Variants in XRCC5 observed in about 807,000 individuals in gnomAD.
The protein encoded by XRCC5 is DNA repair protein Ku80.
In XRCC5, 12 loss-of-function variants were observed where a neutral mutation model predicts 95.7. The observed-to-expected ratio is 0.13, with a 90% CI of 0.08 to 0.20. XRCC5 has a LOEUF of 0.20. XRCC5 is among the 10% of genes least tolerant of loss of function. The pLI, the probability that XRCC5 is intolerant of heterozygous loss-of-function variation, is 1.00. For synonymous variants in XRCC5, 281 were observed against 290.3 expected (o/e 0.97, Z 0.33); for missense variants, 595 against 873.9 (o/e 0.68, Z 4.02).
At position 216,148,124 on chromosome 2, in the gene XRCC5, C is replaced by G. The variant is rs1166268491; in HGVS notation, c.1518C>G (p.Pro506=). 6.2e-7 allele frequency: 1 copy of G among 1,613,808 alleles called. No individual in the cohort carries two copies. Among genetic ancestry groups the G allele is most frequent in the Non-Finnish European group, 8.5e-7 (1 of 1,179,930 alleles). ...CTTTACATCCCCGGGAGCCTCTACC[C>G]CCAATTCAGCAGCATATTTGGAATA... is the stretch of plus-strand genomic sequence containing the variant. ...HRALHPREPL[P]PIQQHIWNML... The change falls in exon 14 of 21, where the codon CCC becomes CCG. Residue 506 remains proline, a synonymous_variant. Coordinates refer to ENST00000392132, the MANE Select transcript of XRCC5 (RefSeq NM_021141.4).
chr2:216,143,455 T>C (rs1428425199), intron 13 of XRCC5, among the ~76,000 whole-genome samples: 3 of 152,220 alleles, frequency 2.0e-5, no homozygotes, highest in Admixed American at 6.5e-5. Context: ...CTACAGTAGG[T>C]TGTATTTATC....
intron 16 of XRCC5, among the ~76,000 whole-genome samples, chr2:216,190,012 C>T (rs1462751171): frequency 6.6e-6 from 1 of 152,144 alleles, no homozygotes; most frequent in Non-Finnish European, 1.5e-5. Flanking sequence ...AATTTCTTGA[C>T]AAATATCAAT....
chr2:216,155,236 C>CAA (rs10674711), intron 14 of XRCC5, among the ~76,000 whole-genome samples: 45,446 of 80,108 alleles, frequency 0.57, 12,377 homozygotes, highest in South Asian at 0.66. Flanking sequence ...ACTCCCATCT[C>CAA]AAAAAAAAAA....
Position 216,204,341 on chromosome 2 carries a change from A to G in XRCC5, c.2129A>G (p.Lys710Arg). The G allele has an allele frequency of 6.2e-7, 1 of 1,613,944 alleles. No homozygotes were observed. The highest frequency in any genetic ancestry group is 1.1e-5 in the South Asian group (1 of 91,082). The change falls in exon 20 of 21, where the codon AAA becomes AGA. Residue 710 changes from lysine to arginine, a missense_variant. By Grantham distance (26) the Lys-to-Arg change is conservative (BLOSUM62 2). This residue lies in a region of XRCC5 where 309 missense variants were observed against 382.9 expected (regional missense o/e 0.81). Transcript: ENST00000392132. ...TTACAGTTTCTGGCCCCCAAAGACA[A>G]ACCAAGTGGAGACACAGCAGCTGTA... ...EAKKFLAPKD[K>R]PSGDTAAVFE...
At chr2:216,128,741 A>G (rs189220462) in intron 8 of XRCC5, among the ~76,000 whole-genome samples, 2 of 152,350 alleles carry the variant, frequency 1.3e-5, no homozygotes, top group African/African-American at 2.4e-5. Context: ...TATACAGGTT[A>G]GTACTTGAGG....
At chr2:216,176,944 T>C (rs539303285) in intron 16 of XRCC5, among the ~76,000 whole-genome samples, 118 of 152,374 alleles carry the variant, frequency 7.7e-4, no homozygotes, top group African/African-American at 2.8e-3. Flanking sequence ...TCTTTCATGA[T>C]TGTTTCTTTG....
chr2:216,129,067 G>A (rs1696938690), intron 8 of XRCC5, among the ~76,000 whole-genome samples: 1 of 152,206 alleles, frequency 6.6e-6, no homozygotes, highest in Non-Finnish European at 1.5e-5. Context: ...GAATGTCACT[G>A]GGGCTATATT....
intron 19 of XRCC5, among the ~76,000 whole-genome samples, chr2:216,199,586 A>G (rs553633332): frequency 6.6e-6 from 1 of 152,260 alleles, no homozygotes; most frequent in East Asian, 1.9e-4. Context: ...TAGATATGCC[A>G]TTAGCATTTG....
chr2:216,178,261 G>T (rs1355815298), intron 16 of XRCC5, among the ~76,000 whole-genome samples: 2 of 152,132 alleles, frequency 1.3e-5, no homozygotes, highest in Non-Finnish European at 2.9e-5. Context: ...TTAAAAATAA[G>T]CACATGCTTA....
intron 12 of XRCC5, among the ~76,000 whole-genome samples, chr2:216,140,533 G>T (rs777374815): frequency 1.3e-5 from 2 of 152,180 alleles, no homozygotes; most frequent in Non-Finnish European, 2.9e-5. Flanking sequence ...TATTAGGAGA[G>T]ACCTAAGGAA....
chr2:216,131,012 A>ATT, intron 9 of XRCC5, 25 bp downstream of exon 9: 1 of 1,567,286 alleles, frequency 6.4e-7, no homozygotes, highest in Non-Finnish European at 8.7e-7. Context: ...AAACTAAATG[A>ATT]GCTTTTTCCT....
intron 15 of XRCC5, among the ~76,000 whole-genome samples, chr2:216,160,891 C>T (rs561911915): frequency 8.2e-4 from 124 of 152,096 alleles, no homozygotes; most frequent in Non-Finnish European, 1.4e-3. Flanking sequence ...GGCTATTTTT[C>T]ATAGAGGTGG....
At chr2:216,162,200 G>A (rs1416820558) in intron 16 of XRCC5, 152 bp downstream of exon 16, 2 of 703,128 alleles carry the variant, frequency 2.8e-6, no homozygotes, top group Non-Finnish European at 5.0e-6. Context: ...GGAGCTCACT[G>A]AGGCAACATT....
At position 216,125,202 on chromosome 2, in the gene XRCC5, C is replaced by CT. The variant is rs533096830; in HGVS notation, c.684-703dup. ...GAGGTTCTTTTTTTTTTCCTTTTTT[C>CT]TTTTTTTTTTTTGAGACAAAGTTTC... On this transcript the variant is annotated intron_variant, in intron 6 of 20. Transcript: ENST00000392132. Among the ~76,000 whole-genome samples the CT allele has an allele frequency of 1.7e-3, 241 of 138,940 alleles. 1 individual carries two copies. In the Middle Eastern group the frequency reaches 0.022, roughly 12 times the overall value. 91.2% of individuals were successfully genotyped at this position (138,940 alleles called of 152,430 possible).
Position 216,109,548 on chromosome 2 carries a change from A to C in XRCC5, c.21+91A>C, listed in dbSNP as rs570902818. 3.3e-5 allele frequency: 51 copies of C among 1,563,778 alleles called. No homozygotes were observed. The African/African-American group carries it at 5.7e-4, about 17-fold the overall frequency. On this transcript the variant is annotated intron_variant, in intron 1 of 20. Coordinates refer to ENST00000392132, the MANE Select transcript of XRCC5 (RefSeq NM_021141.4). ...CAGGAATCGTGGGATCGCGGTCAAGACAAAGAATGGGGCAAGAGAAGATCA... is the reference window on the plus strand; with the variant it reads ...CAGGAATCGTGGGATCGCGGTCAAGCCAAAGAATGGGGCAAGAGAAGATCA...
At chr2:216,119,647 C>T (rs780250766) in intron 5 of XRCC5, among the ~76,000 whole-genome samples, 4 of 152,066 alleles carry the variant, frequency 2.6e-5, no homozygotes, top group African/African-American at 9.7e-5. Flanking sequence ...ATGTTTAACT[C>T]TTTTCAGATC....
At chr2:216,112,788 CT>C (rs1479103556) in intron 1 of XRCC5, among the ~76,000 whole-genome samples, 3 of 152,212 alleles carry the variant, frequency 2.0e-5, no homozygotes, top group Admixed American at 2.0e-4. Flanking sequence ...GAGCATGTTC[CT>C]CTCCTGGTAG....
chr2:216,185,161 C>T (rs1432417193), intron 16 of XRCC5, among the ~76,000 whole-genome samples: 2 of 152,204 alleles, frequency 1.3e-5, no homozygotes, highest in Non-Finnish European at 2.9e-5. Flanking sequence ...CTAAGGGTTT[C>T]TTGCTGTTAC....
intron 10 of XRCC5, among the ~76,000 whole-genome samples, chr2:216,133,456 G>A (rs893864059): frequency 6.6e-6 from 1 of 152,184 alleles, no homozygotes; most frequent in Non-Finnish European, 1.5e-5. Flanking sequence ...GACTATAGGT[G>A]TGCGCCACCA....
Sources: gnomAD v4.1 joint callset for allele counts (sites outside exome capture counted in the v4.1 genomes callset) on GRCh38, gnomAD v4.1.1 for gene constraint, gnomAD v4.1.1 regional missense constraint, MANE v1.5 for transcripts, NCBI Gene and HGNC (gene_info 2026-07-23, HGNC 2026-07-21) for gene names.